The following ALG1L2 variants were observed in gnomAD, a reference collection of about 807,000 sequenced individuals.
ALG1L2 encodes the protein putative glycosyltransferase ALG1L2.
A neutral mutation model predicts 29.0 loss-of-function variants in ALG1L2; 32 were observed. The ratio of observed to expected loss-of-function variants is 1.10; its 90% CI spans 0.83 to 1.48. The LOEUF (loss-of-function observed/expected upper bound fraction) is 1.48, where lower values mean the gene tolerates loss of function less well. Among genes scored for constraint, ALG1L2 ranks in the 40% most tolerant of loss-of-function variants. ALG1L2 has a pLI of 0.00. For synonymous variants in ALG1L2, 110 were observed against 109.5 expected, an observed-to-expected ratio of 1.00 and a Z score of -0.03; for missense variants, 318 against 274.1, an observed-to-expected ratio of 1.16 and a Z score of -1.13.
At chr3:130,095,499 G>T (rs944713196) in intron 5 of ALG1L2, among the ~76,000 whole-genome samples, 1 of 151,658 alleles carries the variant, frequency 6.6e-6, no homozygotes, top group Non-Finnish European at 1.5e-5. Flanking sequence ...GCAATGGTGC[G>T]ATCTTGGCTC....
chr3:130,090,124 G>C (rs1233502175), intron 1 of ALG1L2, among the ~76,000 whole-genome samples: 1 of 152,262 alleles, frequency 6.6e-6, no homozygotes, highest in African/African-American at 2.4e-5. Flanking sequence ...GGGCGGCCGA[G>C]GCAGGAGGAT....
chr3:130,092,544 G>T (rs922501045), intron 3 of ALG1L2, among the ~76,000 whole-genome samples: 4 of 152,144 alleles, frequency 2.6e-5, no homozygotes, highest in African/African-American at 9.7e-5. Flanking sequence ...TGGGCTACTG[G>T]GTGGGGCAGC....
rs762734995 is a variant in ALG1L2, at chr3:130,091,277, G to A, written c.37G>A (p.Asp13Asn). The change falls in exon 2 of 8, where the codon GAC (aspartate) becomes AAC (asparagine). Residue 13 changes from aspartate to asparagine, a missense_variant. Physicochemically the swap from Asp to Asn is conservative, Grantham distance 23. Coordinates refer to ENST00000425059, the MANE Select transcript of ALG1L2 (RefSeq NM_001136152.1). Reference protein sequence around the residue: ...ATAGWAVTVYDKPASFFKEAP... With the variant: ...ATAGWAVTVYNKPASFFKEAP... Reference sequence around the variant, plus strand: ...TCATTGCAGGGCTGTGACCGTCTACGACAAGCCGGCATCTTTCTTTAAAGA... The same window carrying A: ...TCATTGCAGGGCTGTGACCGTCTACAACAAGCCGGCATCTTTCTTTAAAGA... 83 of 1,599,396 alleles carry A rather than the reference G, an allele frequency of 5.2e-5. No homozygotes were observed. The highest frequency in any genetic ancestry group is 1.3e-4 in the African/African-American group (10 of 74,856).
chr3:130,084,873 ATCTATG>A (rs1052559826), intron 1 of ALG1L2, among the ~76,000 whole-genome samples: 17 of 134,110 alleles, frequency 1.3e-4, no homozygotes, highest in African/African-American at 4.0e-4. Context: ...CTTTCCATAT[ATCTATG>A]TCTATATCTA....
At chr3:130,092,049 G>C in intron 2 of ALG1L2, 52 bp from the exon 3 acceptor site, 2 of 1,602,870 alleles carry the variant, frequency 1.2e-6, no homozygotes, top group Non-Finnish European at 1.7e-6. Context: ...GCCCGTTCTG[G>C]GTCCTGGGCC....
Position 130,093,139 on chromosome 3 carries a change from T to G in ALG1L2, c.292T>G (p.Ser98Ala). The G allele has an allele frequency of 1.2e-6, 2 of 1,611,492 alleles. No homozygotes were observed. Among genetic ancestry groups the G allele is most frequent in the Non-Finnish European group, 1.7e-6 (2 of 1,179,652 alleles). The stretch of plus-strand genomic sequence containing the variant: ...GACTCTTGACGGACAGAACCTTCCT[T>G]CTCTCGTCTGTGTGATAACAGGTAC... ...QLTLDGQNLP[S>A]LVCVITGKGP... The change falls in exon 4 of 8, where the codon TCT becomes GCT. Residue 98 changes from serine to alanine, a missense_variant. Ser to Ala is a moderately conservative substitution (Grantham distance 99). Coordinates refer to ENST00000425059, the MANE Select transcript of ALG1L2 (RefSeq NM_001136152.1).
chr3:130,090,494 C>A lies in ALG1L2; in HGVS notation c.21-767C>A, dbSNP rs1254619356. Reference sequence around the variant, plus strand: ...CTGTAATTCCAGCAAATACACTCTTCCTTCAGGTTCACTAAAATGCAGATA... The same window carrying A: ...CTGTAATTCCAGCAAATACACTCTTACTTCAGGTTCACTAAAATGCAGATA... On this transcript the variant is annotated intron_variant, in intron 1 of 7. Coordinates refer to ENST00000425059, the MANE Select transcript of ALG1L2 (RefSeq NM_001136152.1). Among the ~76,000 whole-genome samples the A allele has an allele frequency of 3.3e-5, 5 of 152,310 alleles. No homozygotes were observed. The East Asian group carries it at 7.7e-4, about 23-fold the overall frequency.
intron 1 of ALG1L2, among the ~76,000 whole-genome samples, chr3:130,090,229 G>T (rs1244988917): frequency 1.3e-5 from 2 of 152,300 alleles, no homozygotes; most frequent in African/African-American, 4.8e-5. Context: ...TGTGGTGGGT[G>T]CCTGAAATCC....
chr3:130,089,146 G>C (rs1422910613), intron 1 of ALG1L2, among the ~76,000 whole-genome samples: 2 of 152,280 alleles, frequency 1.3e-5, no homozygotes, highest in African/African-American at 4.8e-5. Context: ...GGCTAGAGAA[G>C]GCAAGAGGAC....
At chr3:130,088,361 G>T (rs985459456) in intron 1 of ALG1L2, among the ~76,000 whole-genome samples, 1 of 152,304 alleles carries the variant, frequency 6.6e-6, no homozygotes, top group Non-Finnish European at 1.5e-5. Flanking sequence ...ACTAAATCAC[G>T]GGGTGGGTCT....
At chr3:130,098,077 C>T (rs1216603058) in intron 7 of ALG1L2, 146 bp from the exon 8 acceptor site, 6 of 1,098,594 alleles carry the variant, frequency 5.5e-6, no homozygotes, top group African/African-American at 3.1e-5. Flanking sequence ...GGAGGCGGAG[C>T]GCTGCTGGGG....
At chr3:130,086,250 A>C (rs1343480819) in intron 1 of ALG1L2, among the ~76,000 whole-genome samples, 1 of 151,160 alleles carries the variant, frequency 6.6e-6, no homozygotes, top group African/African-American at 2.4e-5. Context: ...TTGAAGTAGG[A>C]AGCATCAAAT....
intron 4 of ALG1L2, 106 bp downstream of exon 4, chr3:130,093,266 ACTGCAGCTCT>A (rs1935059557): frequency 7.4e-7 from 1 of 1,346,892 alleles, no homozygotes; most frequent in East Asian, 2.3e-5. Context: ...CTTAATCCTC[ACTGCAGCTCT>A]CTGCCATAGG....
chr3:130,090,918 C>G (rs2082394871), intron 1 of ALG1L2: 1 of 267,502 alleles, frequency 3.7e-6, no homozygotes, highest in Admixed American at 4.9e-5. Context: ...ACAGGAGCAA[C>G]AGACTAAGAC....
chr3:130,093,156 A>G lies in ALG1L2; in HGVS notation c.309A>G (p.Ile103Met). 6.2e-7 allele frequency: 1 copy of G among 1,611,510 alleles called. No individual in the cohort carries two copies. Residue 103 changes from isoleucine to methionine, a missense_variant, in exon 4 of 8, where the codon ATA becomes ATG. Transcript: ENST00000425059. ...GQNLPSLVCV[I>M]TGKGPLREYY... The stretch of plus-strand genomic sequence containing the variant: ...ACCTTCCTTCTCTCGTCTGTGTGAT[A>G]ACAGGTACTGCCTGGGACCCTGGGT...
chr3:130,085,686 G>T (rs1480856525), intron 1 of ALG1L2, among the ~76,000 whole-genome samples: 2 of 151,714 alleles, frequency 1.3e-5, no homozygotes, highest in South Asian at 4.2e-4. Flanking sequence ...TCTTTTGTGG[G>T]AGAGGGGATG....
In ALG1L2 at chr3:130,085,209, C is replaced by T. The variant is rs190536827; in HGVS notation, c.20+3173C>T. ...TCCTGACCTCAAGTGATCCACTCGC[C>T]TCGGCCTCCCAAACTGCCAAGATTA... On this transcript the variant is annotated intron_variant, in intron 1 of 7. Transcript: ENST00000425059. Among the ~76,000 whole-genome samples, 392 of 139,716 alleles carry T rather than the reference C, an allele frequency of 2.8e-3. 1 individual carries two copies. Among genetic ancestry groups the T allele is most frequent in the African/African-American group, 9.5e-3 (382 of 40,410 alleles). 91.7% of individuals were successfully genotyped at this position (139,716 alleles called of 152,430 possible). A position where few individuals can be genotyped will look rare whatever the true frequency, so the allele number is the denominator to read the frequency against.
intron 1 of ALG1L2, among the ~76,000 whole-genome samples, chr3:130,085,547 T>C (rs76531500): frequency 1.3e-5 from 2 of 149,394 alleles, no homozygotes; most frequent in African/African-American, 4.8e-5. Flanking sequence ...AATTTCCCCT[T>C]TCCATAAGGA....
At chr3:130,093,890 C>G (rs1436107834) in intron 4 of ALG1L2, 1 of 177,804 alleles carries the variant, frequency 5.6e-6, no homozygotes, top group Non-Finnish European at 1.2e-5. Context: ...CTGCTCTCCT[C>G]CCTCCTCTGG....
Sources: allele counts gnomAD v4.1 joint callset (sites outside exome capture counted in the v4.1 genomes callset), GRCh38; gene constraint gnomAD v4.1.1; transcripts MANE v1.5; gene names NCBI Gene and HGNC (gene_info 2026-07-23, HGNC 2026-07-21).